The following AGBL1 variants were observed in gnomAD, a reference collection of about 807,000 sequenced individuals.
AGBL1 encodes cytosolic carboxypeptidase 4.
Under a neutral mutation model 118.9 loss-of-function variants are expected in AGBL1, and 130 were observed. The observed-to-expected ratio is 1.09, with a 90% CI of 0.95 to 1.26. The LOEUF (loss-of-function observed/expected upper bound fraction) is 1.26. AGBL1 is among the 50% of genes most tolerant of loss of function. The probability of loss-of-function intolerance (pLI) is 0.00; values close to 1 mark genes in which losing one functional copy is unlikely to be tolerated. For missense variants in AGBL1, 1,584 were observed against 1,298.1 expected (o/e 1.22, Z -3.38); for synonymous variants, 555 against 478.9 (o/e 1.16, Z -2.08).
intron 23 of AGBL1, chr15:86,939,799 G>A (rs983870108): frequency 6.6e-6 from 1 of 152,198 alleles, no homozygotes; most frequent in African/African-American, 2.4e-5. Context: ...ACTGGAATAA[G>A]GAAGAAAGTC....
intron 21 of AGBL1, among the ~76,000 whole-genome samples, chr15:86,561,915 A>C (rs2083827778): frequency 1.3e-5 from 2 of 152,162 alleles, no homozygotes; most frequent in Non-Finnish European, 2.9e-5. Flanking sequence ...TCTTTGAAGC[A>C]ATTGTGAATG....
intron 22 of AGBL1, among the ~76,000 whole-genome samples, chr15:86,681,960 G>A (rs2085966216): frequency 6.6e-6 from 1 of 152,146 alleles, no homozygotes; most frequent in South Asian, 2.1e-4. Flanking sequence ...GTAAAGCGAA[G>A]GATGGAGTCT....
chr15:86,433,560 C>T (rs1350809691), intron 18 of AGBL1, among the ~76,000 whole-genome samples: 1 of 152,136 alleles, frequency 6.6e-6, no homozygotes, highest in East Asian at 1.9e-4. Context: ...CCGCCATTCA[C>T]ATTTCTTGGA....
At chr15:87,017,698 A>C (rs975476428) in intron 24 of AGBL1, among the ~76,000 whole-genome samples, 2 of 152,194 alleles carry the variant, frequency 1.3e-5, no homozygotes, top group African/African-American at 4.8e-5. Flanking sequence ...GAAAGAATCA[A>C]CACAAAAACC....
intron 18 of AGBL1, among the ~76,000 whole-genome samples, chr15:86,404,242 T>A (rs2081490560): frequency 6.6e-6 from 1 of 152,170 alleles, no homozygotes; most frequent in Non-Finnish European, 1.5e-5. Context: ...ATTTGGTTCA[T>A]CCTCACTTCC....
In AGBL1 at chr15:86,365,008, T is replaced by C. The variant is rs201953892; in HGVS notation, c.2375-32358T>C. ...ATATATACACACACACATATATATA[T>C]ACACACACATATATATATACACACA... On this transcript the variant is annotated intron_variant, in intron 17 of 22. Transcript: ENST00000614907. Among the ~76,000 whole-genome samples the C allele has an allele frequency of 2.2e-3, 252 of 116,718 alleles. 2 individuals are homozygous for C. The highest frequency in any genetic ancestry group is 7.3e-3 in the African/African-American group (216 of 29,534). The allele number at this position is 116,718 out of a possible 152,430, so 76.6% of individuals were successfully genotyped here. A position where few individuals can be genotyped will look rare whatever the true frequency, so the allele number is the denominator to read the frequency against.
chr15:86,620,258 C>G (rs529912220), intron 21 of AGBL1, among the ~76,000 whole-genome samples: 2 of 152,316 alleles, frequency 1.3e-5, no homozygotes, highest in Non-Finnish European at 2.9e-5. Flanking sequence ...TTTTCTAGCA[C>G]TCTGTCCACC....
chr15:86,581,850 C>T (rs537827389), intron 21 of AGBL1, among the ~76,000 whole-genome samples: 73 of 152,128 alleles, frequency 4.8e-4, no homozygotes, highest in Non-Finnish European at 8.2e-4. Context: ...CCAGCCAAAC[C>T]CCTCTCTTCA....
At chr15:86,216,124 G>T (rs976962256) in intron 5 of AGBL1, among the ~76,000 whole-genome samples, 1 of 152,080 alleles carries the variant, frequency 6.6e-6, no homozygotes, top group African/African-American at 2.4e-5. Flanking sequence ...TGCAAAACTT[G>T]TTTATTAGTT....
chr15:86,655,757 C>A (rs1252414419), intron 21 of AGBL1, among the ~76,000 whole-genome samples: 1 of 152,134 alleles, frequency 6.6e-6, no homozygotes, highest in Admixed American at 6.5e-5. Context: ...GGAAACACTT[C>A]AAGAAAGTGT....
intron 22 of AGBL1, among the ~76,000 whole-genome samples, chr15:86,830,586 A>G (rs1023582684): frequency 2.0e-5 from 3 of 152,150 alleles, no homozygotes; most frequent in Admixed American, 6.5e-5. Context: ...ACTCAACAGC[A>G]TAAGTTCTCC....
chr15:86,104,574 C>T (rs11631677), intron 1 of AGBL1, among the ~76,000 whole-genome samples: 77,953 of 151,952 alleles, frequency 0.51, 21,476 homozygotes, highest in Non-Finnish European at 0.63. Flanking sequence ...CACATGAAAA[C>T]GCACAGAGGT....
At chr15:86,292,558 C>T (rs1380533462) in intron 16 of AGBL1, among the ~76,000 whole-genome samples, 2 of 152,152 alleles carry the variant, frequency 1.3e-5, no homozygotes, top group Non-Finnish European at 2.9e-5. Flanking sequence ...AACTAATTTA[C>T]TTGACAAAGG....
intron 21 of AGBL1, among the ~76,000 whole-genome samples, chr15:86,589,507 G>C (rs1050154198): frequency 4.6e-5 from 7 of 152,188 alleles, no homozygotes; most frequent in African/African-American, 1.7e-4. Context: ...GAGATGTATA[G>C]AAATTCTAAT....
intron 22 of AGBL1, among the ~76,000 whole-genome samples, chr15:86,699,327 T>G (rs567743749): frequency 1.3e-5 from 2 of 152,202 alleles, no homozygotes; most frequent in South Asian, 2.1e-4. Context: ...TATATATTCC[T>G]GCCTACCAGT....
intron 24 of AGBL1, among the ~76,000 whole-genome samples, chr15:86,994,365 T>C (rs963450746): frequency 6.6e-6 from 1 of 152,048 alleles, no homozygotes; most frequent in Admixed American, 6.6e-5. Flanking sequence ...TGGGGTCGGA[T>C]GGGCACAGCC....
chr15:86,291,427 T>A (rs1840062288), intron 16 of AGBL1, among the ~76,000 whole-genome samples: 3 of 152,140 alleles, frequency 2.0e-5, no homozygotes, highest in Non-Finnish European at 2.9e-5. Context: ...TTAAAAATAA[T>A]CTTCAGTGTA....
intron 17 of AGBL1, among the ~76,000 whole-genome samples, chr15:86,339,636 A>G (rs976130813): frequency 1.8e-4 from 28 of 152,018 alleles, no homozygotes; most frequent in Non-Finnish European, 3.7e-4. Flanking sequence ...CTATTTGTTA[A>G]TTATTTTTTA....
chr15:86,407,549 C>T (rs1448467714), intron 18 of AGBL1, among the ~76,000 whole-genome samples: 2 of 152,150 alleles, frequency 1.3e-5, no homozygotes, highest in African/African-American at 4.8e-5. Context: ...CATTCCAGAA[C>T]AGAAAGGCTT....
Sources: allele counts gnomAD v4.1 joint callset (sites outside exome capture counted in the v4.1 genomes callset), GRCh38; gene constraint gnomAD v4.1.1; transcripts MANE v1.5; gene names NCBI Gene and HGNC (gene_info 2026-07-23, HGNC 2026-07-21).